SF3B1: variants seen among roughly 807,000 people sequenced by gnomAD.
SF3B1 encodes pre-mRNA processing 10.
A neutral mutation model predicts 153.8 loss-of-function variants in SF3B1; 12 were observed. That is an observed-to-expected ratio of 0.08 (90% confidence interval 0.05 to 0.13). The LOEUF (loss-of-function observed/expected upper bound fraction) is 0.13, where lower values mean the gene tolerates loss of function less well. Among genes scored for constraint, SF3B1 ranks in the 10% least tolerant of loss-of-function variants. SF3B1 has a pLI of 1.00. For missense variants in SF3B1, 513 were observed against 1,606.1 expected (o/e 0.32, Z 11.63); for synonymous variants, 498 against 525.2 (o/e 0.95, Z 0.71).
At chr2:197,419,000 T>C (rs2085198465) in intron 4 of SF3B1, 1 of 1,423,598 alleles carries the variant, frequency 7.0e-7, no homozygotes, top group Non-Finnish European at 9.7e-7. Flanking sequence ...AAGATATTTA[T>C]ATTCAAAACA....
intron 1 of SF3B1, among the ~76,000 whole-genome samples, chr2:197,432,645 G>A (rs2085457701): frequency 6.6e-6 from 1 of 152,168 alleles, no homozygotes. Flanking sequence ...CAAGGTGGGA[G>A]GATCACTTGT....
At chr2:197,418,293 T>C (rs543981404) in intron 5 of SF3B1, among the ~76,000 whole-genome samples, 14 of 78,094 alleles carry the variant, frequency 1.8e-4, no homozygotes, top group African/African-American at 6.2e-4. Context: ...CATACAAACA[T>C]ATACAGCCAA....
In SF3B1 at chr2:197,403,156, C is replaced by T. The variant is rs537371783; in HGVS notation, c.1720-121G>A. ...ATCAGGACTTTTGTTAATCAAGGGA[C>T]GAACTGTTTAAGAATTTTAATTATA... On this transcript the variant is annotated intron_variant, in intron 12 of 24. Coordinates refer to ENST00000335508, the MANE Select transcript of SF3B1 (RefSeq NM_012433.4). The T allele has an allele frequency of 5.7e-5, 42 of 741,330 alleles. No homozygotes were observed. The East Asian group carries it at 1.0e-3, about 18-fold the overall frequency. The allele number at this position is 741,330 out of a possible 1,614,324, so 45.9% of individuals were successfully genotyped here.
chr2:197,420,405 A>G lies in SF3B1; in HGVS notation c.415+23T>C, dbSNP rs776615762. The G allele has an allele frequency of 1.7e-5, 26 of 1,540,792 alleles. No individual in the cohort carries two copies. The South Asian group carries it at 2.3e-4, about 14-fold the overall frequency. On this transcript the variant is annotated intron_variant, in intron 4 of 24. Transcript: ENST00000335508. ...AATACAAATAAATTTCTGAATACTT[A>G]TAGAAAAGTGGGAAAGAATTACCAT... is the stretch of plus-strand genomic sequence containing the variant.
Position 197,391,552 on chromosome 2 carries a change from G to A in SF3B1, c.*751C>T, listed in dbSNP as rs2084810173. ...CCTCACTCCTAATAGGCAGAAAGCA[G>A]TTTTGAAGTAAAGTTAAATTCCTCA... On this transcript the variant is annotated 3_prime_UTR_variant, in exon 25 of 25. Coordinates refer to ENST00000335508, the MANE Select transcript of SF3B1 (RefSeq NM_012433.4). 1 of 152,258 alleles carries A rather than the reference G, an allele frequency of 6.6e-6. No individual in the cohort carries two copies. The highest frequency in any genetic ancestry group is 2.4e-5 in the African/African-American group (1 of 41,466). 9.4% of individuals were successfully genotyped at this position (152,258 alleles called of 1,614,324 possible).
Position 197,401,078 on chromosome 2 carries a change from G to C in SF3B1, c.2497-142C>G. ...GAATGATTCATTGCTACTTATTAAA[G>C]TTGAAGAGAAAAGTGACCAAACATC... On this transcript the variant is annotated intron_variant, in intron 17 of 24. Transcript: ENST00000335508. This position sits in a 1 kb window ranked among gnomAD's most constrained non-coding sequence, Gnocchi z 4.2. 1.6e-6 allele frequency: 1 copy of C among 635,702 alleles called. No individual in the cohort carries two copies. The highest frequency in any genetic ancestry group is 2.7e-6 in the Non-Finnish European group (1 of 371,388). 39.4% of individuals were successfully genotyped at this position (635,702 alleles called of 1,614,324 possible).
chr2:197,410,403 G>C (rs974554946), intron 6 of SF3B1, among the ~76,000 whole-genome samples: 2 of 152,104 alleles, frequency 1.3e-5, no homozygotes, highest in East Asian at 3.8e-4. Flanking sequence ...ATATTTAGGG[G>C]AGAAGGAATT....
chr2:197,432,020 G>C (rs1349100794), intron 1 of SF3B1, among the ~76,000 whole-genome samples: 1 of 152,118 alleles, frequency 6.6e-6, no homozygotes, highest in East Asian at 1.9e-4. Context: ...AGCTACTCAG[G>C]AGGCTGAAAT....
At chr2:197,428,520 T>A (rs1382041853) in intron 1 of SF3B1, among the ~76,000 whole-genome samples, 1 of 152,180 alleles carries the variant, frequency 6.6e-6, no homozygotes, top group African/African-American at 2.4e-5. Context: ...GTGTAAGTAT[T>A]CCTATAATTT....
intron 5 of SF3B1, 64 bp from the exon 6 acceptor site, chr2:197,416,975 A>G: frequency 6.8e-7 from 1 of 1,480,590 alleles, no homozygotes; most frequent in Non-Finnish European, 9.3e-7. Context: ...CCATTAGCGC[A>G]ATCACTTCCA....
At chr2:197,423,598 TAAAC>T (rs1222524346) in intron 2 of SF3B1, among the ~76,000 whole-genome samples, 1 of 152,192 alleles carries the variant, frequency 6.6e-6, no homozygotes, top group African/African-American at 2.4e-5. Context: ...CTTCACTGGA[TAAAC>T]AAACTAGTCT....
chr2:197,416,685 G>T (rs2085153118), intron 6 of SF3B1, 56 bp downstream of exon 6: 3 of 1,504,502 alleles, frequency 2.0e-6, no homozygotes, highest in Admixed American at 3.7e-5. Context: ...GACTAATACA[G>T]TCCATAACAG....
Position 197,392,107 on chromosome 2 carries a change from T to C in SF3B1, c.*196A>G, listed in dbSNP as rs112135933. ...TATAGTGTATATAATCACTGTGTTC[T>C]TGGTCACTACTGGCATTTACTGTTT... On this transcript the variant is annotated 3_prime_UTR_variant, in exon 25 of 25. Transcript: ENST00000335508. 1 of 393,396 alleles carries C rather than the reference T, an allele frequency of 2.5e-6. No homozygotes were observed. Among genetic ancestry groups the C allele is most frequent in the East Asian group, 3.7e-5 (1 of 27,134 alleles). 24.4% of individuals were successfully genotyped at this position (393,396 alleles called of 1,614,324 possible).
At chr2:197,408,172 A>G in intron 8 of SF3B1, 53 bp from the exon 9 acceptor site, 1 of 1,467,990 alleles carries the variant, frequency 6.8e-7, no homozygotes, top group Non-Finnish European at 9.4e-7. Context: ...CTGTATTATT[A>G]CATACATTGA....
At position 197,400,822 on chromosome 2, in the gene SF3B1, T is replaced by C; in HGVS notation, c.2611A>G (p.Thr871Ala). The change falls in exon 18 of 25, where the codon ACA becomes GCA. Residue 871 changes from threonine (T) to alanine (A), a missense_variant. This residue lies in a region of SF3B1 where 14 missense variants were observed against 17.4 expected (regional missense o/e 0.80). Coordinates refer to ENST00000335508, the MANE Select transcript of SF3B1 (RefSeq NM_012433.4). This position sits in a 1 kb window ranked among gnomAD's most constrained non-coding sequence, Gnocchi z 5.0. ...AAATTACCCATAATTTTCTCAATTG[T>C]CTCCATCACCATTTTTCTGTACTGT... Reference protein sequence around the residue: ...AEQYRKMVMETIEKIMGNLGA... With the variant: ...AEQYRKMVMEAIEKIMGNLGA... 6.2e-7 allele frequency: 1 copy of C among 1,612,918 alleles called. No homozygotes were observed. The highest frequency in any genetic ancestry group is 8.5e-7 in the Non-Finnish European group (1 of 1,179,076).
chr2:197,428,565 A>T lies in SF3B1; in HGVS notation c.29-4591T>A, dbSNP rs72914923. On this transcript the variant is annotated intron_variant, in intron 1 of 24. Coordinates refer to ENST00000335508, the MANE Select transcript of SF3B1 (RefSeq NM_012433.4). Reference sequence around the variant, plus strand: ...AAACTGACTAAAAATATGCAAATAGATCATTTCTGACAACAAATGATCAAT... The same window carrying T: ...AAACTGACTAAAAATATGCAAATAGTTCATTTCTGACAACAAATGATCAAT... 7.5e-3 allele frequency among the ~76,000 whole-genome samples: 1,137 copies of T among 152,262 alleles called. 4 individuals carry two copies. The highest frequency in any genetic ancestry group is 0.025 in the South Asian group (120 of 4,820).
chr2:197,390,233 G>A lies in SF3B1; in HGVS notation c.*2070C>T, dbSNP rs912934282. The A allele has an allele frequency of 3.3e-5, 5 of 152,114 alleles. No individual in the cohort carries two copies. Among genetic ancestry groups the A allele is most frequent in the Non-Finnish European group, 7.4e-5 (5 of 68,026 alleles). The allele number at this position is 152,114 out of a possible 1,614,324, so 9.4% of individuals were successfully genotyped here. A position where few individuals can be genotyped will look rare whatever the true frequency, so the allele number is the denominator to read the frequency against. On this transcript the variant is annotated 3_prime_UTR_variant, in exon 25 of 25. Coordinates refer to ENST00000335508, the MANE Select transcript of SF3B1 (RefSeq NM_012433.4). Reference sequence around the variant, plus strand: ...TAATTAAGGTGTAACAGTCTCCTTTGCTCCACAATGCCACTACAAAGCCTA... The same window carrying A: ...TAATTAAGGTGTAACAGTCTCCTTTACTCCACAATGCCACTACAAAGCCTA...
At chr2:197,429,154 T>C (rs2106023036) in intron 1 of SF3B1, among the ~76,000 whole-genome samples, 1 of 152,250 alleles carries the variant, frequency 6.6e-6, no homozygotes, top group East Asian at 1.9e-4. Context: ...CCTTCCCAGT[T>C]TGGACTCATA....
chr2:197,402,149 G>T lies in SF3B1; in HGVS notation c.2078-19C>A, dbSNP rs199730759. ...ACAAGACCTACAAAACCAAACACAG[G>T]TTTTAACTATGCCCCAACATTACCT... On this transcript the variant is annotated intron_variant, in intron 14 of 24. Coordinates refer to ENST00000335508, the MANE Select transcript of SF3B1 (RefSeq NM_012433.4). The surrounding 1 kb of genome is among the most constrained non-coding windows in gnomAD (Gnocchi z 4.6). 6.3e-7 allele frequency: 1 copy of T among 1,583,470 alleles called. No individual in the cohort carries two copies. The highest frequency in any genetic ancestry group is 2.3e-5 in the East Asian group (1 of 44,316).
Sources: allele counts gnomAD v4.1 joint callset (sites outside exome capture counted in the v4.1 genomes callset), GRCh38; gene constraint gnomAD v4.1.1; regional missense constraint gnomAD v4.1.1; non-coding constraint Gnocchi (gnomAD v3.1); transcripts MANE v1.5; gene names NCBI Gene and HGNC (gene_info 2026-07-23, HGNC 2026-07-21).